Variants in SHC4 observed in about 807,000 individuals in gnomAD.
SHC4 encodes the protein SHC-transforming protein 4.
A neutral mutation model predicts 69.4 loss-of-function variants in SHC4; 41 were observed. The ratio of observed to expected loss-of-function variants is 0.59; its 90% CI spans 0.46 to 0.77. SHC4 has a LOEUF of 0.77. Among genes scored for constraint, SHC4 ranks in the 30% least tolerant of loss-of-function variants. The pLI, the probability that SHC4 is intolerant of heterozygous loss-of-function variation, is 0.00. For synonymous variants in SHC4, 318 were observed against 299.3 expected (o/e 1.06, Z -0.64); for missense variants, 777 against 783.8 (o/e 0.99, Z 0.10).
intron 1 of SHC4, 151 bp downstream of exon 1, chr15:48,962,280 T>C: frequency 1.3e-6 from 1 of 776,220 alleles, no homozygotes; most frequent in South Asian, 2.4e-5. Flanking sequence ...GGGACATATA[T>C]AAACCCAGCT....
In SHC4 at chr15:48,867,866, T is replaced by C. The variant is rs1899594133; in HGVS notation, c.898A>G (p.Thr300Ala). 8 of 1,612,354 alleles carry C rather than the reference T, an allele frequency of 5.0e-6. No individual in the cohort carries two copies. The highest frequency in any genetic ancestry group is 1.3e-5 in the African/African-American group (1 of 74,884). ...ISFASGGDPD[T>A]TDYVAYVAKD... ...GCTACGTAGGCAACATAGTCTGTAG[T>C]ATCCTATAAAAAAGGGAAAATGACT... The change falls in exon 6 of 12, where the codon ACT (threonine) becomes GCT (alanine). Residue 300 changes from threonine (T) to alanine (A), a missense_variant. Physicochemically the swap from Thr to Ala is moderately conservative, Grantham distance 58 (BLOSUM62 0). Transcript: ENST00000332408.
intron 3 of SHC4, among the ~76,000 whole-genome samples, chr15:48,887,673 T>C (rs1460599906): frequency 6.6e-6 from 1 of 151,630 alleles, no homozygotes; most frequent in Non-Finnish European, 1.5e-5. Context: ...ATAAAATAAA[T>C]AGAAAATAGA....
At chr15:48,943,095 T>A (rs949646916) in intron 1 of SHC4, among the ~76,000 whole-genome samples, 1 of 152,198 alleles carries the variant, frequency 6.6e-6, no homozygotes, top group Non-Finnish European at 1.5e-5. Flanking sequence ...TCAATAATCT[T>A]TATGTATGTG....
intron 10 of SHC4, among the ~76,000 whole-genome samples, chr15:48,841,390 G>A (rs186716811): frequency 6.6e-6 from 1 of 152,104 alleles, no homozygotes; most frequent in East Asian, 1.9e-4. Flanking sequence ...CTCATCACCC[G>A]TCACATAAGA....
intron 9 of SHC4, among the ~76,000 whole-genome samples, chr15:48,850,611 AC>A (rs2140978963): frequency 6.6e-6 from 1 of 152,360 alleles, no homozygotes; most frequent in South Asian, 2.1e-4. Flanking sequence ...TCACAATATA[AC>A]ATGTTTTAAT....
At chr15:48,932,987 A>G (rs1453441692) in intron 1 of SHC4, among the ~76,000 whole-genome samples, 1 of 152,204 alleles carries the variant, frequency 6.6e-6, no homozygotes, top group African/African-American at 2.4e-5. Context: ...AAATAATATT[A>G]ACTGCTCTTT....
intron 7 of SHC4, 116 bp downstream of exon 7, chr15:48,857,576 A>C: frequency 1.1e-6 from 1 of 946,556 alleles, no homozygotes; most frequent in Non-Finnish European, 1.4e-6. Context: ...TACTAATTTT[A>C]TTAGTTCATT....
At chr15:48,827,165 T>C (rs1226421512) in intron 11 of SHC4, among the ~76,000 whole-genome samples, 2 of 152,194 alleles carry the variant, frequency 1.3e-5, no homozygotes, top group Admixed American at 1.3e-4. Context: ...CCTCGTTATG[T>C]ATTTCTGCCA....
At chr15:48,897,928 C>T (rs1900253678) in intron 2 of SHC4, among the ~76,000 whole-genome samples, 1 of 152,176 alleles carries the variant, frequency 6.6e-6, no homozygotes, top group African/African-American at 2.4e-5. Context: ...CCTGCGTTTC[C>T]CAAAGGTCTT....
At chr15:48,872,810 C>G (rs1899710947) in intron 4 of SHC4, among the ~76,000 whole-genome samples, 1 of 152,156 alleles carries the variant, frequency 6.6e-6, no homozygotes, top group African/African-American at 2.4e-5. Context: ...AGATTGTCTT[C>G]TATTTGAGAG....
At position 48,916,770 on chromosome 15, in the gene SHC4, C is replaced by G. The variant is rs1435312215; in HGVS notation, c.656+8109G>C. 2.6e-5 allele frequency among the ~76,000 whole-genome samples: 4 copies of G among 152,196 alleles called. No individual in the cohort carries two copies. In the East Asian group the frequency reaches 7.7e-4, roughly 29 times the overall value. On this transcript the variant is annotated intron_variant, in intron 2 of 11. Transcript: ENST00000332408. Reference sequence around the variant, plus strand: ...ATCACACAAAGGAGGAAAACCCACTCCAAGCCACTGCTTCTTAGTTGCCCA... The same window carrying G: ...ATCACACAAAGGAGGAAAACCCACTGCAAGCCACTGCTTCTTAGTTGCCCA...
intron 11 of SHC4, among the ~76,000 whole-genome samples, chr15:48,830,509 A>G (rs1308256717): frequency 1.3e-5 from 2 of 152,240 alleles, no homozygotes; most frequent in Non-Finnish European, 2.9e-5. Flanking sequence ...GCCTAATGCA[A>G]TTGTCCTGAA....
chr15:48,848,152 G>A (rs1445690367), intron 9 of SHC4, among the ~76,000 whole-genome samples: 1 of 152,170 alleles, frequency 6.6e-6, no homozygotes, highest in Non-Finnish European at 1.5e-5. Context: ...TGCCACAGTA[G>A]GAGGGACCTT....
chr15:48,849,366 C>G (rs537479693), intron 9 of SHC4, among the ~76,000 whole-genome samples: 2 of 152,116 alleles, frequency 1.3e-5, no homozygotes, highest in Non-Finnish European at 2.9e-5. Context: ...TACAGCCTCC[C>G]CAATTAAGTT....
rs1899312658 is a variant in SHC4, at chr15:48,856,225, G to C, written c.1071-101C>G. 5 of 1,158,098 alleles carry C rather than the reference G, an allele frequency of 4.3e-6. No homozygotes were observed. In the East Asian group the frequency reaches 7.1e-5, roughly 17 times the overall value. The allele number at this position is 1,158,098 out of a possible 1,614,324, so 71.7% of individuals were successfully genotyped here. ...CAAGCAAATCATCCTGAAAAACTTT[G>C]CATTCATGTTTTCAGTTTATAGCTG... On this transcript the variant is annotated intron_variant, in intron 7 of 11. Coordinates refer to ENST00000332408, the MANE Select transcript of SHC4 (RefSeq NM_203349.4).
intron 10 of SHC4, 126 bp from the exon 11 acceptor site, chr15:48,835,148 G>A: frequency 8.2e-7 from 1 of 1,223,368 alleles, no homozygotes; most frequent in African/African-American, 1.5e-5. Context: ...AAATAATACT[G>A]CTTGGGGAAC....
At chr15:48,956,670 CT>C (rs1330823827) in intron 1 of SHC4, among the ~76,000 whole-genome samples, 1 of 152,160 alleles carries the variant, frequency 6.6e-6, no homozygotes, top group Non-Finnish European at 1.5e-5. Flanking sequence ...CTAAAACTTA[CT>C]GCCTCCACCC....
intron 4 of SHC4, chr15:48,877,614 G>C: frequency 1.0e-6 from 1 of 955,708 alleles, no homozygotes; most frequent in Non-Finnish European, 1.2e-6. Context: ...AAAGAAATGG[G>C]ACCAAGTATT....
chr15:48,833,442 T>G (rs942177937), intron 11 of SHC4, among the ~76,000 whole-genome samples: 3 of 152,184 alleles, frequency 2.0e-5, no homozygotes, highest in African/African-American at 7.2e-5. Flanking sequence ...GTGCCCCAAG[T>G]GGCAGGACAG....
Sources: allele counts gnomAD v4.1 joint callset (sites outside exome capture counted in the v4.1 genomes callset), GRCh38; gene constraint gnomAD v4.1.1; transcripts MANE v1.5; gene names NCBI Gene and HGNC (gene_info 2026-07-23, HGNC 2026-07-21).